Variants in KLRF2 observed in about 807,000 individuals in gnomAD.
KLRF2 encodes killer cell lectin-like receptor subfamily F member 2.
In KLRF2, 28 loss-of-function variants were observed where a neutral mutation model predicts 25.3. The observed-to-expected ratio is 1.11, with a 90% CI of 0.82 to 1.52. The LOEUF (loss-of-function observed/expected upper bound fraction) is 1.52, where lower values mean the gene tolerates loss of function less well. Among genes scored for constraint, KLRF2 ranks in the 40% most tolerant of loss-of-function variants. The pLI, the probability that KLRF2 is intolerant of heterozygous loss-of-function variation, is 0.00. For missense variants in KLRF2, 265 were observed against 245.8 expected (o/e 1.08, Z -0.52); for synonymous variants, 73 against 85.0 (o/e 0.86, Z 0.78).
rs541226088 is a variant in KLRF2, at chr12:9,887,832, G to A, written c.170-901G>A. Among the ~76,000 whole-genome samples, 24 of 150,952 alleles carry A rather than the reference G, an allele frequency of 1.6e-4. No homozygotes were observed. The South Asian group carries it at 1.7e-3, about 11-fold the overall frequency. On this transcript the variant is annotated intron_variant, in intron 2 of 5. Coordinates refer to ENST00000535540, the MANE Select transcript of KLRF2 (RefSeq NM_001190765.1). The stretch of plus-strand genomic sequence containing the variant: ...TTTGGGAGGCCAAGGCAGGTGGAGC[G>A]CTTGAGCCCAGGAGTTCCAGACCAG...
chr12:9,886,825 C>T (rs1862604592), intron 2 of KLRF2, among the ~76,000 whole-genome samples: 1 of 150,226 alleles, frequency 6.7e-6, no homozygotes, highest in African/African-American at 2.5e-5. Context: ...TAGATAGAGC[C>T]AGGTAGAGCT....
chr12:9,885,425 A>ATATGAGATGAGATTT, intron 2 of KLRF2, among the ~76,000 whole-genome samples: 1 of 151,884 alleles, frequency 6.6e-6, no homozygotes, highest in South Asian at 2.1e-4. Context: ...ATATGTGTAT[A>ATATGAGATGAGATTT]CTGTAGCTAT....
chr12:9,891,223 A>T (rs1862672840), intron 3 of KLRF2, among the ~76,000 whole-genome samples: 1 of 151,648 alleles, frequency 6.6e-6, no homozygotes. Flanking sequence ...GACAATGGCT[A>T]TATGTGTATG....
rs567112797 is a variant in KLRF2 at position 9,890,298 on chromosome 12, C to T, written c.217+1518C>T. On this transcript the variant is annotated intron_variant, in intron 3 of 5. Coordinates refer to ENST00000535540, the MANE Select transcript of KLRF2 (RefSeq NM_001190765.1). ...CATATACTTGTTACCTCACAGTTCC[C>T]ACGAGTTGGGAGTCAGGGCACGTTT... Among the ~76,000 whole-genome samples, 6 of 152,294 alleles carry T rather than the reference C, an allele frequency of 3.9e-5. No individual in the cohort carries two copies. The East Asian group carries it at 9.6e-4, about 24-fold the overall frequency.
chr12:9,890,642 A>G (rs141221624), intron 3 of KLRF2, among the ~76,000 whole-genome samples: 3 of 152,344 alleles, frequency 2.0e-5, no homozygotes, highest in Non-Finnish European at 4.4e-5. Context: ...ATGGACTTAC[A>G]TCTGATTAAG....
chr12:9,887,264 A>G (rs530337198), intron 2 of KLRF2, among the ~76,000 whole-genome samples: 9 of 152,328 alleles, frequency 5.9e-5, no homozygotes, highest in Admixed American at 2.0e-4. Flanking sequence ...CAGATAATAC[A>G]TAGAAAGAGA....
intron 1 of KLRF2, among the ~76,000 whole-genome samples, chr12:9,884,682 A>G (rs1868131354): frequency 6.6e-6 from 1 of 150,380 alleles, no homozygotes; most frequent in Non-Finnish European, 1.5e-5. Context: ...ATGGAATTTA[A>G]GACATCATTT....
intron 5 of KLRF2, 89 bp downstream of exon 5, chr12:9,893,630 T>C (rs1862714251): frequency 4.1e-6 from 2 of 487,382 alleles, no homozygotes; most frequent in Non-Finnish European, 6.9e-6. Context: ...TTTTTCCTTC[T>C]TTCTCTGTTT....
At chr12:9,895,267 G>A (rs1173546968) in intron 5 of KLRF2, among the ~76,000 whole-genome samples, 1 of 152,196 alleles carries the variant, frequency 6.6e-6, no homozygotes, top group Non-Finnish European at 1.5e-5. Flanking sequence ...ATGCTGCTAT[G>A]TGGAGAATTA....
chr12:9,883,247 G>A lies in KLRF2; in HGVS notation c.70+1582G>A, dbSNP rs1591775443. On this transcript the variant is annotated intron_variant, in intron 1 of 5. Coordinates refer to ENST00000535540, the MANE Select transcript of KLRF2 (RefSeq NM_001190765.1). ...TATAATTAATCTTGATCCTAAATCA[G>A]AAAAAATATTTTCCTGAGTTCTCAT... is the stretch of plus-strand genomic sequence containing the variant. 2.6e-5 allele frequency among the ~76,000 whole-genome samples: 4 copies of A among 152,088 alleles called. No individual in the cohort carries two copies. In the South Asian group the frequency reaches 8.3e-4, roughly 31 times the overall value.
chr12:9,891,906 T>G (rs894905713), intron 3 of KLRF2, among the ~76,000 whole-genome samples: 1 of 152,192 alleles, frequency 6.6e-6, no homozygotes, highest in African/African-American at 2.4e-5. Flanking sequence ...AAAATATTAA[T>G]GAAAATATGA....
chr12:9,889,292 G>A (rs573408947), intron 3 of KLRF2, among the ~76,000 whole-genome samples: 3 of 152,178 alleles, frequency 2.0e-5, no homozygotes, highest in Admixed American at 6.5e-5. Context: ...TTAATTTTCT[G>A]TGTCAACTTG....
At chr12:9,882,023 T>C (rs1424835889) in intron 1 of KLRF2, among the ~76,000 whole-genome samples, 1 of 151,990 alleles carries the variant, frequency 6.6e-6, no homozygotes, top group African/African-American at 2.4e-5. Flanking sequence ...TATATATATT[T>C]ATGCTTATAC....
chr12:9,888,258 A>T (rs2136998800), intron 2 of KLRF2, among the ~76,000 whole-genome samples: 1 of 152,020 alleles, frequency 6.6e-6, no homozygotes, highest in South Asian at 2.1e-4. Context: ...TCGGAAGCCG[A>T]GGCGGGCGGA....
intron 1 of KLRF2, among the ~76,000 whole-genome samples, chr12:9,882,055 C>T (rs997906018): frequency 6.6e-6 from 1 of 151,564 alleles, no homozygotes; most frequent in Admixed American, 6.6e-5. Flanking sequence ...TTTTAATCTT[C>T]GTAAAAGCCC....
In KLRF2 at chr12:9,895,684, C is replaced by G. The variant is rs1441781084; in HGVS notation, c.480-5C>G. ...ATGCTGAAAAATCTGTCCTTTGTCT[C>G]TTAGGTTTTCAGTGATTGGACCAAC... is the stretch of plus-strand genomic sequence containing the variant. On this transcript the variant is annotated splice_region_variant and splice_polypyrimidine_tract_variant and intron_variant, in intron 5 of 5. Transcript: ENST00000535540. 6.6e-7 allele frequency: 1 copy of G among 1,521,002 alleles called. No individual in the cohort carries two copies. Among genetic ancestry groups the G allele is most frequent in the Non-Finnish European group, 8.8e-7 (1 of 1,142,282 alleles). 94.2% of individuals were successfully genotyped at this position (1,521,002 alleles called of 1,614,324 possible).
In KLRF2 at chr12:9,891,131, A is replaced by T. The variant is rs143472351; in HGVS notation, c.218-1889A>T. ...TCATATTCTGAATTTTCCTTTTCAT[A>T]TCTTCCTGGTGTCATTTAACTCTAC... On this transcript the variant is annotated intron_variant, in intron 3 of 5. Transcript: ENST00000535540. Among the ~76,000 whole-genome samples the T allele has an allele frequency of 6.8e-4, 102 of 150,600 alleles. 1 individual carries two copies. Among genetic ancestry groups the T allele is most frequent in the African/African-American group, 2.3e-3 (93 of 40,862 alleles).
chr12:9,888,272 C>T (rs369001500), intron 2 of KLRF2, among the ~76,000 whole-genome samples: 1 of 151,550 alleles, frequency 6.6e-6, no homozygotes, highest in African/African-American at 2.4e-5. Context: ...GGGCGGATCA[C>T]GAGGTCAGGA....
At chr12:9,894,564 A>C (rs1204629367) in intron 5 of KLRF2, among the ~76,000 whole-genome samples, 2 of 152,196 alleles carry the variant, frequency 1.3e-5, no homozygotes, top group Admixed American at 1.3e-4. Flanking sequence ...GAGGTGTTGC[A>C]TGTAAGAGTG....
Sources: gnomAD v4.1 joint callset for allele counts (sites outside exome capture counted in the v4.1 genomes callset) on GRCh38, gnomAD v4.1.1 for gene constraint, MANE v1.5 for transcripts, NCBI Gene and HGNC (gene_info 2026-07-23, HGNC 2026-07-21) for gene names.